The following UNC13C variants were observed in gnomAD, a reference collection of about 807,000 sequenced individuals.
UNC13C encodes protein unc-13 homolog C.
A neutral mutation model predicts 245.4 loss-of-function variants in UNC13C; 174 were observed. The ratio of observed to expected loss-of-function variants is 0.71; its 90% CI spans 0.63 to 0.80. The LOEUF is 0.80. UNC13C is among the 30% of genes least tolerant of loss of function. The pLI is 0.00. For missense variants in UNC13C, 2,829 were observed against 2,602.9 expected (o/e 1.09, Z -1.89); for synonymous variants, 992 against 895.1 (o/e 1.11, Z -1.93).
chr15:54,599,781 G>A (rs1227589151), intron 30 of UNC13C, among the ~76,000 whole-genome samples: 1 of 152,008 alleles, frequency 6.6e-6, no homozygotes, highest in Non-Finnish European at 1.5e-5. Flanking sequence ...TTATGTTTCT[G>A]TCTTCTATGG....
intron 18 of UNC13C, among the ~76,000 whole-genome samples, chr15:54,409,614 A>G (rs1017731007): frequency 1.4e-4 from 21 of 152,202 alleles, no homozygotes; most frequent in African/African-American, 5.1e-4. Context: ...CCCACTTATA[A>G]GTGAGAACAT....
At chr15:54,044,145 GA>G (rs1332390999) in intron 2 of UNC13C, among the ~76,000 whole-genome samples, 14 of 152,178 alleles carry the variant, frequency 9.2e-5, no homozygotes, top group African/African-American at 2.9e-4. Context: ...TGCCTTTTCT[GA>G]ACCTTTCATA....
At chr15:54,351,581 T>C (rs1321249134) in intron 17 of UNC13C, among the ~76,000 whole-genome samples, 2 of 152,210 alleles carry the variant, frequency 1.3e-5, no homozygotes, top group Admixed American at 1.3e-4. Flanking sequence ...ATGTTACTTG[T>C]ATTACTGAAT....
intron 2 of UNC13C, among the ~76,000 whole-genome samples, chr15:54,101,700 C>A (rs1378827830): frequency 6.6e-6 from 1 of 152,046 alleles, no homozygotes; most frequent in Non-Finnish European, 1.5e-5. Flanking sequence ...CCTGCTTCAG[C>A]CTCCTGAGTA....
chr15:54,025,355 A>C (rs1223629785), intron 2 of UNC13C, among the ~76,000 whole-genome samples: 1 of 152,232 alleles, frequency 6.6e-6, no homozygotes, highest in Non-Finnish European at 1.5e-5. Flanking sequence ...GAAGGTGTGG[A>C]GCTTAATACT....
At chr15:54,403,915 C>T (rs2040240345) in intron 18 of UNC13C, among the ~76,000 whole-genome samples, 1 of 151,934 alleles carries the variant, frequency 6.6e-6, no homozygotes, top group Admixed American at 6.6e-5. Context: ...AACCTAAGTA[C>T]AAAAGGAAAA....
chr15:54,303,188 T>C (rs1198610488), intron 13 of UNC13C, among the ~76,000 whole-genome samples: 1 of 152,146 alleles, frequency 6.6e-6, no homozygotes, highest in Non-Finnish European at 1.5e-5. Flanking sequence ...AGGGAACTTG[T>C]TTTATAATTG....
At chr15:54,123,684 A>G (rs2030834595) in intron 2 of UNC13C, among the ~76,000 whole-genome samples, 1 of 152,124 alleles carries the variant, frequency 6.6e-6, no homozygotes, top group Admixed American at 6.6e-5. Context: ...TACGTAGAGT[A>G]CAATATCAAA....
chr15:54,049,847 G>C, intron 2 of UNC13C: 1 of 237,404 alleles, frequency 4.2e-6, no homozygotes, highest in Non-Finnish European at 8.9e-6. Flanking sequence ...ACAGTGGGTG[G>C]CTGTAACTAT....
chr15:54,496,057 C>T (rs1243725925), intron 20 of UNC13C, among the ~76,000 whole-genome samples: 2 of 151,944 alleles, frequency 1.3e-5, no homozygotes, highest in African/African-American at 2.4e-5. Context: ...GCTAAGAGAA[C>T]ATATTTTACA....
intron 4 of UNC13C, among the ~76,000 whole-genome samples, chr15:54,215,327 T>C (rs1015279836): frequency 9.2e-5 from 14 of 151,992 alleles, no homozygotes; most frequent in Non-Finnish European, 1.5e-4. Flanking sequence ...TATTTGTTTT[T>C]CTCTGAAAAA....
the UNC13C span, among the ~76,000 whole-genome samples, chr15:53,867,927 C>T: frequency 5.9e-5 from 9 of 152,266 alleles, no homozygotes; most frequent in East Asian, 1.7e-3. Context: ...ATCTCCCAGG[C>T]TCAGGCAATT....
the UNC13C span, among the ~76,000 whole-genome samples, chr15:53,865,694 C>T: frequency 6.8e-4 from 103 of 152,100 alleles, 1 homozygote; most frequent in Non-Finnish European, 1.1e-3. Flanking sequence ...TATTAAGATC[C>T]GCTGAACTCC....
chr15:54,470,872 G>A (rs948682120), intron 19 of UNC13C, among the ~76,000 whole-genome samples: 3 of 150,576 alleles, frequency 2.0e-5, no homozygotes, highest in African/African-American at 4.9e-5. Flanking sequence ...TTTAATGTAG[G>A]CATTTATTGC....
At chr15:53,920,342 T>G in the UNC13C span, among the ~76,000 whole-genome samples, 1 of 152,036 alleles carries the variant, frequency 6.6e-6, no homozygotes, top group Non-Finnish European at 1.5e-5. Flanking sequence ...GGGAGGCTGG[T>G]CAGGAGTTCA....
At chr15:54,195,896 T>C (rs1429270872) in intron 4 of UNC13C, among the ~76,000 whole-genome samples, 1 of 152,124 alleles carries the variant, frequency 6.6e-6, no homozygotes, top group Non-Finnish European at 1.5e-5. Flanking sequence ...TTAATTAAAA[T>C]CATCTGCCCA....
chr15:54,046,599 T>C (rs1028022138), intron 2 of UNC13C, among the ~76,000 whole-genome samples: 3 of 152,082 alleles, frequency 2.0e-5, no homozygotes, highest in Non-Finnish European at 4.4e-5. Flanking sequence ...TAAAAATATT[T>C]TTATATTGGC....
chr15:54,237,755 G>C, intron 7 of UNC13C, 65 bp downstream of exon 7: 16 of 1,317,554 alleles, frequency 1.2e-5, no homozygotes, highest in Non-Finnish European at 1.7e-5. Context: ...GGGAGAAACT[G>C]TTCTGCTTGA....
At chr15:54,019,160 A>T (rs372365945) in intron 2 of UNC13C, among the ~76,000 whole-genome samples, 101 of 152,346 alleles carry the variant, frequency 6.6e-4, no homozygotes, top group South Asian at 2.5e-3. Context: ...GAGGAAGCAG[A>T]TGCTGAAAAC....
Sources: allele counts gnomAD v4.1 joint callset (sites outside exome capture counted in the v4.1 genomes callset), GRCh38; gene constraint gnomAD v4.1.1; transcripts MANE v1.5; gene names NCBI Gene and HGNC (gene_info 2026-07-23, HGNC 2026-07-21).